Variants in GABRB2 observed in about 807,000 individuals in gnomAD.
GABRB2 encodes gamma-aminobutyric acid receptor subunit beta-2.
Under a neutral mutation model 54.7 loss-of-function variants are expected in GABRB2, and 16 were observed. That is an observed-to-expected ratio of 0.29 (90% CI 0.20 to 0.44). The LOEUF is 0.44. Among genes scored for constraint, GABRB2 ranks in the 20% least tolerant of loss-of-function variants. GABRB2 has a pLI of 1.00. For missense variants in GABRB2, 355 were observed against 644.0 expected, an observed-to-expected ratio of 0.55 and a Z score of 4.86; for synonymous variants, 244 against 233.8, an observed-to-expected ratio of 1.04 and a Z score of -0.40.
chr5:161,499,385 G>T (rs1181820832), intron 3 of GABRB2, among the ~76,000 whole-genome samples: 1 of 152,052 alleles, frequency 6.6e-6, no homozygotes, highest in African/African-American at 2.4e-5. Flanking sequence ...CCTTATTGGG[G>T]TCCATTTATT....
chr5:161,426,781 G>A (rs560002999), intron 4 of GABRB2, among the ~76,000 whole-genome samples: 1 of 152,154 alleles, frequency 6.6e-6, no homozygotes, highest in South Asian at 2.1e-4. Context: ...ACAATAAGAA[G>A]CACTAACAAT....
intron 3 of GABRB2, among the ~76,000 whole-genome samples, chr5:161,501,487 T>C: frequency 6.6e-6 from 1 of 152,186 alleles, no homozygotes; most frequent in Admixed American, 6.6e-5. Context: ...TTTGACAGTT[T>C]AAAAGATAGT....
chr5:161,332,072 A>G (rs1388531684), intron 7 of GABRB2, among the ~76,000 whole-genome samples: 1 of 150,012 alleles, frequency 6.7e-6, no homozygotes, highest in Non-Finnish European at 1.5e-5. Context: ...AGGCTGAGGC[A>G]GGAGAATGGC....
At chr5:161,351,525 C>T (rs1754468827) in intron 5 of GABRB2, among the ~76,000 whole-genome samples, 1 of 151,990 alleles carries the variant, frequency 6.6e-6, no homozygotes, top group South Asian at 2.1e-4. Flanking sequence ...AACCCTTGTT[C>T]CATGCCAGAT....
chr5:161,410,390 TCACA>T (rs908008452), intron 5 of GABRB2, among the ~76,000 whole-genome samples: 636 of 59,860 alleles, frequency 0.011, 3 homozygotes, highest in Non-Finnish European at 0.031. Flanking sequence ...AACAGAATTC[TCACA>T]CACACACACA....
Position 161,388,196 on chromosome 5 carries a change from G to T in GABRB2, c.541+22779C>A, listed in dbSNP as rs915604521. 7.2e-5 allele frequency among the ~76,000 whole-genome samples: 11 copies of T among 152,060 alleles called. 1 individual carries two copies. Among genetic ancestry groups the T allele is most frequent in the Admixed American group, 3.9e-4 (6 of 15,242 alleles). ...AAAGTGACTTTATGGGGTGCAAAAA[G>T]TATCTATGGATGTCACATACATGAG... On this transcript the variant is annotated intron_variant, in intron 5 of 9. Transcript: ENST00000393959.
At chr5:161,527,686 G>A (rs1292904214) in intron 3 of GABRB2, among the ~76,000 whole-genome samples, 1 of 151,470 alleles carries the variant, frequency 6.6e-6, no homozygotes, top group Non-Finnish European at 1.5e-5. Flanking sequence ...GGCAACTCAG[G>A]GAGAAGAAAT....
intron 3 of GABRB2, among the ~76,000 whole-genome samples, chr5:161,528,888 T>G (rs1415751367): frequency 1.3e-5 from 2 of 151,930 alleles, no homozygotes; most frequent in African/African-American, 4.8e-5. Flanking sequence ...GAATTGATCT[T>G]GAAATACAAC....
At chr5:161,419,885 A>G (rs956319396) in intron 4 of GABRB2, among the ~76,000 whole-genome samples, 1 of 152,168 alleles carries the variant, frequency 6.6e-6, no homozygotes, top group African/African-American at 2.4e-5. Context: ...GGTAATGGGT[A>G]CCCTAGAAGC....
At chr5:161,336,852 GT>G in intron 5 of GABRB2, 83 bp from the exon 6 acceptor site, 1 of 1,408,736 alleles carries the variant, frequency 7.1e-7, no homozygotes, top group Non-Finnish European at 9.6e-7. Flanking sequence ...AAAAATACCT[GT>G]TTAGAAGATG....
intron 6 of GABRB2, among the ~76,000 whole-genome samples, chr5:161,336,108 A>G (rs1430604164): frequency 6.6e-6 from 1 of 152,132 alleles, no homozygotes; most frequent in East Asian, 1.9e-4. Flanking sequence ...GAAGATGGCA[A>G]AGGCCTCGGG....
chr5:161,402,698 T>A (rs1323640718), intron 5 of GABRB2, among the ~76,000 whole-genome samples: 2 of 152,280 alleles, frequency 1.3e-5, no homozygotes, highest in Middle Eastern at 6.8e-3. Context: ...ACCAGCAGTA[T>A]CTGTATGGCC....
chr5:161,448,062 G>A (rs975540547), intron 4 of GABRB2, among the ~76,000 whole-genome samples: 3 of 152,138 alleles, frequency 2.0e-5, no homozygotes, highest in African/African-American at 7.2e-5. Flanking sequence ...AATGATGTTT[G>A]TGCAGCCTTG....
intron 5 of GABRB2, among the ~76,000 whole-genome samples, chr5:161,382,330 G>C (rs1291723696): frequency 6.6e-6 from 1 of 152,240 alleles, no homozygotes; most frequent in South Asian, 2.1e-4. Context: ...CAAAGTTACT[G>C]AGATACTCAT....
At chr5:161,436,881 G>T (rs1561649537) in intron 4 of GABRB2, among the ~76,000 whole-genome samples, 1 of 152,098 alleles carries the variant, frequency 6.6e-6, no homozygotes, top group Admixed American at 6.5e-5. Flanking sequence ...TGTCCTGTTA[G>T]AATAGAAAGG....
intron 9 of GABRB2, among the ~76,000 whole-genome samples, chr5:161,308,601 G>A (rs252968): frequency 0.1 from 15,334 of 152,178 alleles, 995 homozygotes; most frequent in Non-Finnish European, 0.14. Flanking sequence ...CACTCTACCC[G>A]ACTTCAAATT....
intron 9 of GABRB2, among the ~76,000 whole-genome samples, chr5:161,299,540 C>T (rs751324028): frequency 4.6e-5 from 7 of 152,090 alleles, no homozygotes; most frequent in Non-Finnish European, 8.8e-5. Context: ...CTAATGGTGC[C>T]TTGTGTCTAT....
intron 3 of GABRB2, among the ~76,000 whole-genome samples, chr5:161,521,295 A>C (rs894424879): frequency 2.0e-5 from 3 of 151,884 alleles, no homozygotes; most frequent in African/African-American, 7.2e-5. Flanking sequence ...ATTTTTTGTT[A>C]CCTTGATTAT....
At chr5:161,518,663 A>C (rs1027328477) in intron 3 of GABRB2, among the ~76,000 whole-genome samples, 10 of 152,180 alleles carry the variant, frequency 6.6e-5, no homozygotes, top group African/African-American at 2.4e-4. Flanking sequence ...TAAGTCAAAG[A>C]CTTCTAGGAG....
Sources: gnomAD v4.1 joint callset for allele counts (sites outside exome capture counted in the v4.1 genomes callset) on GRCh38, gnomAD v4.1.1 for gene constraint, MANE v1.5 for transcripts, NCBI Gene and HGNC (gene_info 2026-07-23, HGNC 2026-07-21) for gene names.